NAV2: variants seen among roughly 807,000 people sequenced by gnomAD.
NAV2 encodes neuron navigator 2.
A neutral mutation model predicts 223.2 loss-of-function variants in NAV2; 54 were observed. That is an observed-to-expected ratio of 0.24 (90% CI 0.19 to 0.30). The LOEUF (loss-of-function observed/expected upper bound fraction) is 0.30. Ranked by LOEUF, NAV2 falls within the 10% of genes least tolerant of loss-of-function variation. The pLI is 1.00. For missense variants in NAV2, 2,806 were observed against 3,147.5 expected (o/e 0.89, Z 2.60); for synonymous variants, 1,279 against 1,239.3 (o/e 1.03, Z -0.67).
chr11:19,715,265 A>G (rs181374745), intron 1 of NAV2, among the ~76,000 whole-genome samples: 103 of 152,270 alleles, frequency 6.8e-4, no homozygotes, highest in African/African-American at 2.3e-3. Flanking sequence ...GGAAGCTGAC[A>G]GGTTTGAGTG....
At chr11:19,992,850 C>T (rs60272319) in intron 11 of NAV2, among the ~76,000 whole-genome samples, 19,796 of 152,074 alleles carry the variant, frequency 0.13, 1,381 homozygotes, top group African/African-American at 0.19. Flanking sequence ...TACTCAGCCT[C>T]CCAAAGTGCT....
chr11:19,993,899 G>A lies in NAV2; in HGVS notation c.2768+9652G>A, dbSNP rs375300362. ...ATTTACTGAGCACCTACTATGCAAC[G>A]GGCTCTTGGGATCCAAGGATGAGTG... On this transcript the variant is annotated intron_variant, in intron 11 of 37. Transcript: ENST00000349880. Among the ~76,000 whole-genome samples the A allele has an allele frequency of 8.5e-5, 13 of 152,276 alleles. No homozygotes were observed. The East Asian group carries it at 1.2e-3, about 14-fold the overall frequency.
chr11:19,714,201 G>A, intron 1 of NAV2: 1 of 694,998 alleles, frequency 1.4e-6, no homozygotes, highest in Non-Finnish European at 2.6e-6. Flanking sequence ...TGGCGGGCAC[G>A]TCTGCAGCAT....
chr11:19,623,165 C>T (rs969556986), intron 1 of NAV2, among the ~76,000 whole-genome samples: 6 of 152,136 alleles, frequency 3.9e-5, no homozygotes, highest in African/African-American at 1.4e-4. Flanking sequence ...CCTTTGTGGG[C>T]AATCTGACCT....
chr11:19,397,819 G>A (rs534242960), intron 1 of NAV2, among the ~76,000 whole-genome samples: 88 of 152,198 alleles, frequency 5.8e-4, no homozygotes, highest in African/African-American at 2.0e-3. Context: ...TGTAAACCGG[G>A]AGGACTGGAC....
At chr11:19,788,812 C>T (rs887381369) in intron 1 of NAV2, among the ~76,000 whole-genome samples, 2 of 152,194 alleles carry the variant, frequency 1.3e-5, no homozygotes, top group Non-Finnish European at 2.9e-5. Flanking sequence ...CTTCTTTTTA[C>T]TTGACTGGCT....
intron 1 of NAV2, among the ~76,000 whole-genome samples, chr11:19,745,793 G>A (rs2053284617): frequency 1.3e-5 from 2 of 152,106 alleles, no homozygotes; most frequent in Admixed American, 6.5e-5. Flanking sequence ...TGCCACCACT[G>A]ATCTGACAGG....
intron 6 of NAV2, among the ~76,000 whole-genome samples, chr11:19,915,251 G>A (rs917857244): frequency 6.6e-6 from 1 of 152,188 alleles, no homozygotes; most frequent in African/African-American, 2.4e-5. Context: ...GGGGCACTGG[G>A]GAGAAATCCC....
At chr11:19,477,179 C>G (rs1231291095) in intron 1 of NAV2, among the ~76,000 whole-genome samples, 1 of 152,148 alleles carries the variant, frequency 6.6e-6, no homozygotes, top group Non-Finnish European at 1.5e-5. Flanking sequence ...TCTAGCAAAG[C>G]TGACAGATAA....
At position 20,048,764 on chromosome 11, in the gene NAV2, C is replaced by T. The variant is rs370721996; in HGVS notation, c.3939C>T (p.Ile1313=). 24 of 1,614,144 alleles carry T rather than the reference C, an allele frequency of 1.5e-5. No homozygotes were observed. Among genetic ancestry groups the T allele is most frequent in the Admixed American group, 1.2e-4 (7 of 60,024 alleles). The change falls in exon 15 of 38, where the codon ATC becomes ATT. Residue 1313 remains isoleucine, a synonymous_variant. Coordinates refer to ENST00000349880, the MANE Select transcript of NAV2 (RefSeq NM_145117.5). ...GGAAGCCTACCAAGCAAGTGCCCAT[C>T]GCCACAGCTGAAAACATGAAAAATT... is the stretch of plus-strand genomic sequence containing the variant. The part of the protein sequence containing the change: ...FGGKPTKQVP[I]ATAENMKNSV...
Position 19,598,975 on chromosome 11 carries a change from T to TC in NAV2, c.76-233507dup, listed in dbSNP as rs754894054. 1.7e-4 allele frequency among the ~76,000 whole-genome samples: 26 copies of TC among 152,284 alleles called. No homozygotes were observed. The East Asian group carries it at 4.0e-3, about 24-fold the overall frequency. On this transcript the variant is annotated intron_variant, in intron 1 of 37. Coordinates refer to the NAV2 transcript ENST00000360655. Reference sequence around the variant, plus strand: ...CTTCCCCCCATTTGAAATGTCTGGGTCCAGTCAAATGCCTCTGTTCTTAGT... The same window carrying TC: ...CTTCCCCCCATTTGAAATGTCTGGGTCCCAGTCAAATGCCTCTGTTCTTAGT...
intron 1 of NAV2, among the ~76,000 whole-genome samples, chr11:19,608,232 A>G (rs779922642): frequency 2.2e-4 from 34 of 152,242 alleles, no homozygotes; most frequent in Non-Finnish European, 3.8e-4. Context: ...CTGCACGAAC[A>G]TAGGTGTGTT....
In NAV2 at chr11:19,880,095, G is replaced by C. The variant is rs1024992524; in HGVS notation, c.738G>C (p.Gln246His). The part of the protein sequence containing the change: ...PCQPHQPAPH[Q>H]QSKAQAEMQS... ...AGCCTCACCAGCCAGCGCCACATCA[G>C]CAGTCAAAAGCACAAGCTGAAATGC... Residue 246 changes from glutamine to histidine, a missense_variant, in exon 5 of 38, where the codon CAG becomes CAC. By Grantham distance (24) the Gln-to-His change is conservative. Around this residue, in one of 4 missense-constraint regions of NAV2, gnomAD observed 1,167 missense variants for 1,180.5 expected, o/e 0.99. Transcript: ENST00000349880. The C allele has an allele frequency of 2.5e-6, 4 of 1,604,392 alleles. No individual in the cohort carries two copies. Among genetic ancestry groups the C allele is most frequent in the Admixed American group, 1.7e-5 (1 of 59,150 alleles).
In NAV2 at chr11:20,036,008, A is replaced by G. The variant is rs1159089712; in HGVS notation, c.2818A>G (p.Asn940Asp). Residue 940 changes from asparagine to aspartate, a missense_variant, in exon 12 of 38, where the codon AAC (asparagine) becomes GAC (aspartate). This residue lies in a region of NAV2 where 73 missense variants were observed against 119.7 expected (regional missense o/e 0.61). Coordinates refer to ENST00000349880, the MANE Select transcript of NAV2 (RefSeq NM_145117.5). The stretch of plus-strand genomic sequence containing the variant: ...CAGCGGCATCAGCGACACCATAGAC[A>G]ACCTCAGCACTGATGACATCAACAC... ...VSSGISDTID[N>D]LSTDDINTSS... 1 of 1,614,170 alleles carries G rather than the reference A, an allele frequency of 6.2e-7. No individual in the cohort carries two copies. The highest frequency in any genetic ancestry group is 1.7e-5 in the Admixed American group (1 of 60,028).
chr11:19,483,812 C>T (rs570553699), intron 1 of NAV2, among the ~76,000 whole-genome samples: 23 of 152,168 alleles, frequency 1.5e-4, no homozygotes, highest in African/African-American at 3.9e-4. Flanking sequence ...AAATGCATCC[C>T]GCAAGGTTAA....
chr11:20,041,425 G>A (rs149230388), intron 12 of NAV2, among the ~76,000 whole-genome samples: 263 of 152,238 alleles, frequency 1.7e-3, no homozygotes, highest in Middle Eastern at 6.8e-3. Flanking sequence ...AAACACTTTA[G>A]CTTAGTGCCT....
intron 1 of NAV2, among the ~76,000 whole-genome samples, chr11:19,642,137 TC>T (rs1444693836): frequency 6.6e-6 from 1 of 152,142 alleles, no homozygotes; most frequent in Non-Finnish European, 1.5e-5. Flanking sequence ...CCACTGGACA[TC>T]CCTATGCCGT....
At chr11:19,622,936 A>G (rs188608878) in intron 1 of NAV2, among the ~76,000 whole-genome samples, 10 of 152,256 alleles carry the variant, frequency 6.6e-5, no homozygotes, top group Non-Finnish European at 1.2e-4. Flanking sequence ...TGCTTCCTTC[A>G]GGAGCTCTTG....
At chr11:19,952,772 C>T (rs1445973400) in intron 10 of NAV2, among the ~76,000 whole-genome samples, 1 of 152,158 alleles carries the variant, frequency 6.6e-6, no homozygotes, top group Non-Finnish European at 1.5e-5. Flanking sequence ...GTGTATCCTT[C>T]AATTCTCCCT....
Sources: allele counts gnomAD v4.1 joint callset (sites outside exome capture counted in the v4.1 genomes callset), GRCh38; gene constraint gnomAD v4.1.1; regional missense constraint gnomAD v4.1.1; transcripts MANE v1.5; gene names NCBI Gene and HGNC (gene_info 2026-07-23, HGNC 2026-07-21).